AMZ1: variants seen among roughly 807,000 people sequenced by gnomAD.
AMZ1 encodes the protein archaelysin family metallopeptidase 1.
A neutral mutation model predicts 29.9 loss-of-function variants in AMZ1; 39 were observed. The ratio of observed to expected loss-of-function variants is 1.30; its 90% CI spans 1.01 to 1.70. AMZ1 has a LOEUF of 1.70. Among genes scored for constraint, AMZ1 ranks in the 40% most tolerant of loss-of-function variants. The pLI, the probability that AMZ1 is intolerant of heterozygous loss-of-function variation, is 0.00. For synonymous variants in AMZ1, 458 were observed against 304.0 expected, an observed-to-expected ratio of 1.51 and a Z score of -5.27; for missense variants, 1,041 against 680.6, an observed-to-expected ratio of 1.53 and a Z score of -5.89.
intron 1 of AMZ1, among the ~76,000 whole-genome samples, chr7:2,680,493 G>A (rs1429248601): frequency 2.0e-5 from 3 of 152,206 alleles, no homozygotes; most frequent in Admixed American, 1.3e-4. Context: ...AGCCGGGCAC[G>A]TCCTTGGCAC....
chr7:2,698,462 C>T (rs1482570125), intron 1 of AMZ1, among the ~76,000 whole-genome samples: 2 of 151,890 alleles, frequency 1.3e-5, no homozygotes, highest in African/African-American at 2.4e-5. Context: ...TGCTTGAACC[C>T]GGGAGGTGGA....
At chr7:2,698,486 C>T (rs904745295) in intron 1 of AMZ1, among the ~76,000 whole-genome samples, 1 of 151,376 alleles carries the variant, frequency 6.6e-6, no homozygotes, top group African/African-American at 2.4e-5. Flanking sequence ...TGCAGTGAGC[C>T]CAGATCACGA....
chr7:2,702,359 G>C (rs1583162512), intron 2 of AMZ1: 1 of 231,768 alleles, frequency 4.3e-6, no homozygotes, highest in East Asian at 1.0e-4. Flanking sequence ...CAGTCAGGCT[G>C]GCATTTTGCA....
intron 4 of AMZ1, among the ~76,000 whole-genome samples, chr7:2,726,774 G>A (rs748491309): frequency 6.6e-6 from 1 of 152,252 alleles, no homozygotes; most frequent in Non-Finnish European, 1.5e-5. Context: ...AAGTTATGGT[G>A]GAGGCCTGAG....
At chr7:2,728,163 T>A (rs1789704822) in intron 4 of AMZ1, 1 of 152,130 alleles carries the variant, frequency 6.6e-6, no homozygotes, top group South Asian at 2.1e-4. Context: ...AGGCTGAGGG[T>A]GGCCAAATTT....
upstream of AMZ1, among the ~76,000 whole-genome samples, chr7:2,687,323 T>C (rs1295009150): frequency 2.7e-5 from 4 of 149,848 alleles, no homozygotes; most frequent in Admixed American, 6.6e-5. Context: ...CGAGACTCCA[T>C]CTAAAAAAAA....
In AMZ1 at chr7:2,714,005, G is replaced by A. The variant is rs979055666; in HGVS notation, c.*1127G>A. 6.6e-6 allele frequency: 1 copy of A among 152,184 alleles called. No homozygotes were observed. The highest frequency in any genetic ancestry group is 1.5e-5 in the Non-Finnish European group (1 of 68,058). The allele number at this position is 152,184 out of a possible 1,614,324, so 9.4% of individuals were successfully genotyped here. A position where few individuals can be genotyped will look rare whatever the true frequency, so the allele number is the denominator to read the frequency against. Reference sequence around the variant, plus strand: ...GATCTGTCTCCCTTTAGTTTTGCCGGATTTTGCTTCCTGCACTTTGAAGCT... The same window carrying A: ...GATCTGTCTCCCTTTAGTTTTGCCGAATTTTGCTTCCTGCACTTTGAAGCT... On this transcript the variant is annotated 3_prime_UTR_variant, in exon 7 of 7. Transcript: ENST00000683327.
chr7:2,711,449 G>A (rs756143492), intron 6 of AMZ1, among the ~76,000 whole-genome samples: 1 of 152,252 alleles, frequency 6.6e-6, no homozygotes, highest in African/African-American at 2.4e-5. Context: ...TGAGTGCTGA[G>A]TTGGGAACAG....
intron 4 of AMZ1, among the ~76,000 whole-genome samples, chr7:2,733,836 C>T (rs578231499): frequency 2.3e-4 from 35 of 152,306 alleles, no homozygotes; most frequent in African/African-American, 7.5e-4. Flanking sequence ...CCTGGCCATG[C>T]GGCCAGCAAA....
upstream of AMZ1, chr7:2,763,056 C>T (rs1013007190): frequency 1.0e-5 from 13 of 1,246,604 alleles, no homozygotes; most frequent in African/African-American, 1.5e-4. Flanking sequence ...TCCTCCAGGA[C>T]GCAGACCGGG....
chr7:2,734,756 C>G (rs369161657), intron 4 of AMZ1, among the ~76,000 whole-genome samples: 2 of 152,330 alleles, frequency 1.3e-5, no homozygotes, highest in East Asian at 3.9e-4. Context: ...CACGTCTCCC[C>G]ATCCCAGCAC....
downstream of AMZ1, among the ~76,000 whole-genome samples, chr7:2,721,361 C>T (rs1216609256): frequency 6.6e-6 from 1 of 152,208 alleles, no homozygotes; most frequent in Non-Finnish European, 1.5e-5. Context: ...GTGGAACGCA[C>T]TCTGGAAGCC....
At chr7:2,712,213 CCGCCCCTGGGTAA>C in intron 6 of AMZ1, 104 bp from the exon 7 acceptor site, 1 of 1,137,284 alleles carries the variant, frequency 8.8e-7, no homozygotes, top group Non-Finnish European at 1.2e-6. Context: ...AGCCTGACTC[CCGCCCCTGGGTAA>C]CTGAGGACGG....
At chr7:2,742,610 T>A (rs1222723031) in intron 4 of AMZ1, among the ~76,000 whole-genome samples, 1 of 152,196 alleles carries the variant, frequency 6.6e-6, no homozygotes, top group Non-Finnish European at 1.5e-5. Flanking sequence ...CCCTTTGCGT[T>A]TCCATATTAG....
In AMZ1 at chr7:2,718,927, G is replaced by C. The variant is rs1178910664; in HGVS notation, c.*6049G>C. Among the ~76,000 whole-genome samples, 2 of 152,208 alleles carry C rather than the reference G, an allele frequency of 1.3e-5. No individual in the cohort carries two copies. The highest frequency in any genetic ancestry group is 2.9e-5 in the Non-Finnish European group (2 of 68,034). On this transcript the variant is annotated 3_prime_UTR_variant, in exon 7 of 7. Transcript: ENST00000683327. ...TTCTCAGGGTCGCTTAACACAGGCA[G>C]GGGTACAGGAGAGCTCCGGCCATTT...
chr7:2,721,187 G>A (rs1583191219), downstream of AMZ1, among the ~76,000 whole-genome samples: 1 of 152,216 alleles, frequency 6.6e-6, no homozygotes, highest in African/African-American at 2.4e-5. Flanking sequence ...GTGCCTGGGA[G>A]GGATGGAAAG....
At chr7:2,696,478 C>G (rs113563299) in intron 1 of AMZ1, among the ~76,000 whole-genome samples, 11 of 149,978 alleles carry the variant, frequency 7.3e-5, no homozygotes, top group South Asian at 4.4e-4. Flanking sequence ...AGGATGGTCT[C>G]GATCTCCTGA....
chr7:2,709,456 C>T (rs576058332), intron 5 of AMZ1, among the ~76,000 whole-genome samples, 184 bp from the exon 6 acceptor site: 67 of 152,372 alleles, frequency 4.4e-4, no homozygotes, highest in Non-Finnish European at 9.3e-4. Flanking sequence ...CACCCTGACT[C>T]ACCTTTCCCC....
At chr7:2,696,858 C>G (rs552329401) in intron 1 of AMZ1, among the ~76,000 whole-genome samples, 1 of 151,944 alleles carries the variant, frequency 6.6e-6, no homozygotes, top group Non-Finnish European at 1.5e-5. Flanking sequence ...TGCACTCCAG[C>G]CTGGGGTAGA....
Sources: gnomAD v4.1 joint callset for allele counts (sites outside exome capture counted in the v4.1 genomes callset) on GRCh38, gnomAD v4.1.1 for gene constraint, MANE v1.5 for transcripts, NCBI Gene and HGNC (gene_info 2026-07-23, HGNC 2026-07-21) for gene names.